The following CSRNP3 variants were observed in gnomAD, a reference collection of about 807,000 sequenced individuals.
The protein encoded by CSRNP3 is cysteine and serine rich nuclear protein 3, also known as cysteine/serine-rich nuclear protein 3.
In CSRNP3, 12 loss-of-function variants were observed where a neutral mutation model predicts 48.0. The observed-to-expected ratio is 0.25, with a 90% CI of 0.16 to 0.41. The LOEUF (loss-of-function observed/expected upper bound fraction) is 0.41, where lower values mean the gene tolerates loss of function less well. Ranked by LOEUF, CSRNP3 falls within the 10% of genes least tolerant of loss-of-function variation. The probability of loss-of-function intolerance (pLI) is 1.00; values close to 1 mark genes in which losing one functional copy is unlikely to be tolerated. For missense variants in CSRNP3, 580 were observed against 724.4 expected, an observed-to-expected ratio of 0.80 and a Z score of 2.29; for synonymous variants, 263 against 269.7, an observed-to-expected ratio of 0.98 and a Z score of 0.24.
At chr2:165,593,395 A>G (rs1421378765) in intron 3 of CSRNP3, among the ~76,000 whole-genome samples, 1 of 152,194 alleles carries the variant, frequency 6.6e-6, no homozygotes, top group Non-Finnish European at 1.5e-5. Context: ...TTCACAAAGT[A>G]AAGAGTGCTG....
At chr2:165,505,336 A>G (rs1336458515) in intron 2 of CSRNP3, among the ~76,000 whole-genome samples, 2 of 152,130 alleles carry the variant, frequency 1.3e-5, no homozygotes, top group African/African-American at 2.4e-5. Flanking sequence ...AAGAAGAAAA[A>G]ACTCAAAACA....
intron 1 of CSRNP3, among the ~76,000 whole-genome samples, chr2:165,477,419 G>A (rs925933513): frequency 2.1e-5 from 3 of 142,346 alleles, no homozygotes; most frequent in Non-Finnish European, 4.6e-5. Context: ...AGAAGTTCGA[G>A]ACCAGCCTGA....
In CSRNP3 at chr2:165,676,425, A is replaced by C; in HGVS notation, c.522A>C (p.Leu174=). Residue 174 remains leucine (L), a synonymous_variant, in exon 6 of 7, where the codon CTA becomes CTC. Coordinates refer to ENST00000651982, the MANE Select transcript of CSRNP3 (RefSeq NM_001172173.2). ...DNTEVDEYFF[L]QPLPTKKRRA... is the part of the protein sequence containing the mutation. ...CAGAGGTAGATGAGTACTTCTTCCT[A>C]CAACCTTTGCCAACAAAAAAACGAA... The C allele has an allele frequency of 6.2e-7, 1 of 1,614,138 alleles. No individual in the cohort carries two copies. The highest frequency in any genetic ancestry group is 8.5e-7 in the Non-Finnish European group (1 of 1,179,972).
chr2:165,521,173 C>CAAAAAAAAAAAAAAAA (rs1348766008), intron 3 of CSRNP3, among the ~76,000 whole-genome samples: 1 of 135,646 alleles, frequency 7.4e-6, no homozygotes, highest in Non-Finnish European at 1.6e-5. Flanking sequence ...ATGGGAAAGC[C>CAAAAAAAAAAAAAAAA]AAAAAAAAAA....
chr2:165,479,436 A>AC (rs1363199039), intron 1 of CSRNP3, among the ~76,000 whole-genome samples: 1 of 152,220 alleles, frequency 6.6e-6, no homozygotes, highest in South Asian at 2.1e-4. Flanking sequence ...TCATCACCTA[A>AC]CCCCCATATG....
chr2:165,606,555 T>C (rs1686031416), intron 4 of CSRNP3, among the ~76,000 whole-genome samples: 1 of 152,100 alleles, frequency 6.6e-6, no homozygotes, highest in South Asian at 2.1e-4. Flanking sequence ...ATACCATGTA[T>C]TGACAAGCAT....
intron 4 of CSRNP3, among the ~76,000 whole-genome samples, chr2:165,610,073 G>A (rs148161062): frequency 6.6e-6 from 1 of 152,194 alleles, no homozygotes; most frequent in Non-Finnish European, 1.5e-5. Flanking sequence ...GACATTTTAT[G>A]TGCATTATCT....
intron 4 of CSRNP3, among the ~76,000 whole-genome samples, chr2:165,650,420 C>A (rs935132776): frequency 6.6e-6 from 1 of 152,118 alleles, no homozygotes; most frequent in Non-Finnish European, 1.5e-5. Flanking sequence ...GCTATCATGT[C>A]AAGTTGGAGA....
At position 165,650,219 on chromosome 2, in the gene CSRNP3, G is replaced by A. The variant is rs180943746; in HGVS notation, c.149-7542G>A. Reference sequence around the variant, plus strand: ...AAATTTAAAAAGACGACTGGGGCAAGTATATTCAGGAAACGAGAATGTGCC... The same window carrying A: ...AAATTTAAAAAGACGACTGGGGCAAATATATTCAGGAAACGAGAATGTGCC... On this transcript the variant is annotated intron_variant, in intron 4 of 6. Transcript: ENST00000651982. Among the ~76,000 whole-genome samples, 265 of 152,246 alleles carry A rather than the reference G, an allele frequency of 1.7e-3. 1 individual carries two copies. Among genetic ancestry groups the A allele is most frequent in the Non-Finnish European group, 3.3e-3 (227 of 68,026 alleles).
At chr2:165,552,018 T>A (rs777995360) in intron 3 of CSRNP3, among the ~76,000 whole-genome samples, 26 of 152,238 alleles carry the variant, frequency 1.7e-4, no homozygotes, top group Non-Finnish European at 3.4e-4. Context: ...GACAGCTATA[T>A]TCCTTGCTTA....
At chr2:165,489,048 A>G (rs1684163164) in intron 1 of CSRNP3, among the ~76,000 whole-genome samples, 1 of 146,148 alleles carries the variant, frequency 6.8e-6, no homozygotes, top group South Asian at 2.2e-4. Flanking sequence ...ATAGACCGCT[A>G]GCAAGACTAA....
intron 3 of CSRNP3, among the ~76,000 whole-genome samples, chr2:165,532,752 A>T (rs1262656951): frequency 6.6e-6 from 1 of 152,152 alleles, no homozygotes; most frequent in East Asian, 1.9e-4. Flanking sequence ...TTCAATTAGG[A>T]AAAGAGGAAG....
Position 165,683,125 on chromosome 2 carries a change from T to C in CSRNP3, c.*3372T>C, listed in dbSNP as rs1344990058. 1 of 152,130 alleles carries C rather than the reference T, an allele frequency of 6.6e-6. No individual in the cohort carries two copies. The allele number at this position is 152,130 out of a possible 1,614,324, so 9.4% of individuals were successfully genotyped here. On this transcript the variant is annotated 3_prime_UTR_variant, in exon 7 of 7. Coordinates refer to ENST00000651982, the MANE Select transcript of CSRNP3 (RefSeq NM_001172173.2). ...GGAGAAGTCAATGAAAGAGATTTAC[T>C]TAAGTTTTTCCTCCTTATCTCTTGA...
In CSRNP3 at chr2:165,679,182, G is replaced by A. The variant is rs751554858; in HGVS notation, c.1187G>A (p.Gly396Asp). ...GACAAAGGAGATGGCTTCGTGGAAG[G>A]TTTGGGCACCCATGCCGAAGTTGTC... ...DDDKGDGFVE[G>D]LGTHAEVVPL... is the part of the protein sequence containing the mutation. Residue 396 changes from glycine to aspartate, a missense_variant, in exon 7 of 7, where the codon GGT becomes GAT. By Grantham distance (94) the Gly-to-Asp change is moderately conservative (BLOSUM62 -1). Transcript: ENST00000651982. 3.7e-6 allele frequency: 6 copies of A among 1,613,862 alleles called. No homozygotes were observed. The Admixed American group carries it at 1.0e-4, about 27-fold the overall frequency.
intron 5 of CSRNP3, among the ~76,000 whole-genome samples, chr2:165,667,268 T>C (rs1368262150): frequency 6.6e-6 from 1 of 152,076 alleles, no homozygotes. Flanking sequence ...GCAGATCTCA[T>C]TCTCACTTTT....
chr2:165,657,667 A>G, intron 4 of CSRNP3, 94 bp from the exon 5 acceptor site: 1 of 1,483,612 alleles, frequency 6.7e-7, no homozygotes, highest in South Asian at 1.3e-5. Flanking sequence ...AGGGTTGGCC[A>G]CAGATAGATT....
At chr2:165,630,390 CT>C (rs557948925) in intron 4 of CSRNP3, among the ~76,000 whole-genome samples, 90 of 152,306 alleles carry the variant, frequency 5.9e-4, no homozygotes, top group African/African-American at 2.2e-3. Context: ...GCCTTTCCCT[CT>C]TTTCCTGTGG....
intron 3 of CSRNP3, among the ~76,000 whole-genome samples, chr2:165,559,502 T>C (rs894830388): frequency 1.3e-5 from 2 of 152,146 alleles, no homozygotes; most frequent in East Asian, 3.9e-4. Flanking sequence ...GAAACTGATA[T>C]TTTTTAAAAA....
intron 2 of CSRNP3, among the ~76,000 whole-genome samples, chr2:165,499,701 A>T (rs1339715458): frequency 1.3e-5 from 2 of 152,164 alleles, no homozygotes; most frequent in Non-Finnish European, 2.9e-5. Context: ...TTTAAATGTA[A>T]GGAAGAAAGA....
Sources: gnomAD v4.1 joint callset for allele counts (sites outside exome capture counted in the v4.1 genomes callset) on GRCh38, gnomAD v4.1.1 for gene constraint, MANE v1.5 for transcripts, NCBI Gene and HGNC (gene_info 2026-07-23, HGNC 2026-07-21) for gene names.